The following MEST variants were observed in gnomAD, a reference collection of about 807,000 sequenced individuals.
MEST encodes mesoderm-specific transcript homolog protein.
Under a neutral mutation model 50.9 loss-of-function variants are expected in MEST, and 18 were observed. The ratio of observed to expected loss-of-function variants is 0.35; its 90% confidence interval spans 0.24 to 0.52. The LOEUF is 0.52. Among genes scored for constraint, MEST ranks in the 20% least tolerant of loss-of-function variants. The pLI is 0.94. For missense variants in MEST, 282 were observed against 425.3 expected, an observed-to-expected ratio of 0.66 and a Z score of 2.96; for synonymous variants, 130 against 154.1, an observed-to-expected ratio of 0.84 and a Z score of 1.16.
chr7:130,490,045 G>A (rs1723421842), upstream of MEST: 1 of 152,098 alleles, frequency 6.6e-6, no homozygotes, highest in East Asian at 1.9e-4. Flanking sequence ...AATATATAAT[G>A]CAAAGGCTTT....
At chr7:130,493,020 A>G (rs1357966058) in intron 1 of MEST, among the ~76,000 whole-genome samples, 3 of 152,138 alleles carry the variant, frequency 2.0e-5, no homozygotes, top group African/African-American at 7.2e-5. Flanking sequence ...CAAGAACGGG[A>G]TAATCGCAGT....
Position 130,500,296 on chromosome 7 carries a change from TCTTC to T in MEST, c.577-162_577-159del, listed in dbSNP as rs1394375092. Among the ~76,000 whole-genome samples the T allele has an allele frequency of 6.6e-6, 1 of 152,218 alleles. No individual in the cohort carries two copies. The highest frequency in any genetic ancestry group is 1.5e-5 in the Non-Finnish European group (1 of 68,040). The stretch of plus-strand genomic sequence containing the variant: ...TTAGATGGAATTAGAAATAGATTTG[TCTTC>T]CTTGAGAGAAGAATGCGGGTAGGCA... On this transcript the variant is annotated intron_variant, in intron 7 of 11. Coordinates refer to ENST00000223215, the MANE Select transcript of MEST (RefSeq NM_002402.4). This position sits in a 1 kb window ranked among gnomAD's most constrained non-coding sequence, Gnocchi z 5.0.
chr7:130,493,009 T>A (rs782607374), intron 1 of MEST, among the ~76,000 whole-genome samples: 2 of 152,104 alleles, frequency 1.3e-5, no homozygotes, highest in Non-Finnish European at 2.9e-5. Flanking sequence ...CCTTAGGATT[T>A]CAAGAACGGG....
Position 130,492,161 on chromosome 7 carries a change from C to G in MEST, c.-153C>G. ...GCAAGCGCAGTGCCGCAGCGCACGC[C>G]GGAGTGGCTGTAGCTGCCCGGCGCG... On this transcript the variant is annotated 5_prime_UTR_variant, in exon 1 of 12. Coordinates refer to ENST00000223215, the MANE Select transcript of MEST (RefSeq NM_002402.4). The surrounding 1 kb of genome is among the most constrained non-coding windows in gnomAD (Gnocchi z 7.6). 1 of 420,362 alleles carries G rather than the reference C, an allele frequency of 2.4e-6. No homozygotes were observed. The highest frequency in any genetic ancestry group is 3.7e-6 in the Non-Finnish European group (1 of 271,450). The allele number at this position is 420,362 out of a possible 1,614,324, so 26.0% of individuals were successfully genotyped here. A position where few individuals can be genotyped will look rare whatever the true frequency, so the allele number is the denominator to read the frequency against.
At position 130,497,822 on chromosome 7, in the gene MEST, C is replaced by G; in HGVS notation, c.262-114C>G. Reference sequence around the variant, plus strand: ...ACCTGTGGTAGTTTCATGGCGTTTTCTCTTTATGGAAGTCTGTTAAGCCAA... The same window carrying G: ...ACCTGTGGTAGTTTCATGGCGTTTTGTCTTTATGGAAGTCTGTTAAGCCAA... On this transcript the variant is annotated intron_variant, in intron 3 of 11. Transcript: ENST00000223215. The surrounding 1 kb of genome is among the most constrained non-coding windows in gnomAD (Gnocchi z 4.0). The G allele has an allele frequency of 6.8e-6, 6 of 883,596 alleles. No individual in the cohort carries two copies. Among genetic ancestry groups the G allele is most frequent in the Non-Finnish European group, 7.6e-6 (4 of 529,416 alleles). The allele number at this position is 883,596 out of a possible 1,614,324, so 54.7% of individuals were successfully genotyped here. A position where few individuals can be genotyped will look rare whatever the true frequency, so the allele number is the denominator to read the frequency against.
chr7:130,502,307 G>T (rs1799306123), intron 9 of MEST, among the ~76,000 whole-genome samples: 1 of 152,248 alleles, frequency 6.6e-6, no homozygotes, highest in African/African-American at 2.4e-5. Context: ...GAGGTAGGTA[G>T]TGGTGGAGCC....
intron 1 of MEST, chr7:130,486,672 C>A (rs1223132591): frequency 1.3e-5 from 2 of 152,214 alleles, no homozygotes; most frequent in Non-Finnish European, 2.9e-5. Flanking sequence ...ACCTCGGGGT[C>A]GTAGAGAACA....
intron 9 of MEST, among the ~76,000 whole-genome samples, 173 bp from the exon 10 acceptor site, chr7:130,502,471 T>C (rs1186836120): frequency 6.6e-6 from 1 of 152,228 alleles, no homozygotes; most frequent in Non-Finnish European, 1.5e-5. Context: ...ACATGGTGGT[T>C]AACTCTAGAG....
chr7:130,490,282 G>A (rs969501203), upstream of MEST, among the ~76,000 whole-genome samples: 29 of 152,108 alleles, frequency 1.9e-4, no homozygotes, highest in African/African-American at 6.0e-4. Flanking sequence ...AATTCCCTAC[G>A]ATGAAATTCT....
intron 9 of MEST, 78 bp from the exon 10 acceptor site, chr7:130,502,566 T>G (rs1344181051): frequency 1.9e-6 from 2 of 1,041,882 alleles, no homozygotes; most frequent in Non-Finnish European, 3.0e-6. Flanking sequence ...TTGTGTTCCT[T>G]GTGGCTCGTT....
In MEST at chr7:130,498,225, CCTT is replaced by C. The variant is rs782482196; in HGVS notation, c.430_432del (p.Leu144del). 1 of 1,614,196 alleles carries C rather than the reference CCTT, an allele frequency of 6.2e-7. No individual in the cohort carries two copies. The highest frequency in any genetic ancestry group is 8.5e-7 in the Non-Finnish European group (1 of 1,180,028). ...TGGGGCTCCAGAACCGCAGGATCAA[CCTT>C]CTTTCTCATGACTATGGAGATATTG... On this transcript the variant is annotated inframe_deletion, in exon 5 of 12. Coordinates refer to ENST00000223215, the MANE Select transcript of MEST (RefSeq NM_002402.4).
intron 10 of MEST, among the ~76,000 whole-genome samples, chr7:130,503,281 C>T (rs916957839): frequency 6.6e-6 from 1 of 152,152 alleles, no homozygotes; most frequent in Admixed American, 6.5e-5. Flanking sequence ...TGTCAAGGGT[C>T]TGTTATAACT....
Position 130,505,148 on chromosome 7 carries a change from C to G in MEST, c.*92C>G, listed in dbSNP as rs563589532. On this transcript the variant is annotated 3_prime_UTR_variant, in exon 12 of 12. Transcript: ENST00000223215. ...AAGAAATGCCCAAAAGAGGTCCTGG[C>G]CATCAAACATAATTCTCTCACAAAG... The G allele has an allele frequency of 3.2e-6, 3 of 929,726 alleles. No individual in the cohort carries two copies. The highest frequency in any genetic ancestry group is 4.8e-5 in the East Asian group (2 of 41,332). 57.6% of individuals were successfully genotyped at this position (929,726 alleles called of 1,614,324 possible). A position where few individuals can be genotyped will look rare whatever the true frequency, so the allele number is the denominator to read the frequency against.
intron 1 of MEST, among the ~76,000 whole-genome samples, chr7:130,493,788 C>G (rs1292308843): frequency 4.6e-5 from 7 of 152,122 alleles, no homozygotes; most frequent in African/African-American, 1.4e-4. Flanking sequence ...ATGAAATCTG[C>G]ACATGAAAAT....
intron 9 of MEST, chr7:130,501,094 C>CAA: frequency 2.1e-6 from 1 of 473,272 alleles, no homozygotes; most frequent in Non-Finnish European, 3.7e-6. Flanking sequence ...TTAAATGCTT[C>CAA]AAAGTATTGA....
Position 130,492,158 on chromosome 7 carries a change from C to T in MEST, c.-156C>T. ...CTCGCAAGCGCAGTGCCGCAGCGCA[C>T]GCCGGAGTGGCTGTAGCTGCCCGGC... On this transcript the variant is annotated 5_prime_UTR_variant, in exon 1 of 12. The change creates a new upstream start codon in the 5' untranslated region. Transcript: ENST00000223215. This position sits in a 1 kb window ranked among gnomAD's most constrained non-coding sequence, Gnocchi z 7.6. The T allele has an allele frequency of 5.0e-6, 2 of 403,960 alleles. No homozygotes were observed. The highest frequency in any genetic ancestry group is 7.8e-6 in the Non-Finnish European group (2 of 257,238). 25.0% of individuals were successfully genotyped at this position (403,960 alleles called of 1,614,324 possible).
At chr7:130,491,644 G>T (rs1289057836), upstream of MEST, among the ~76,000 whole-genome samples, 1 of 151,962 alleles carries the variant, frequency 6.6e-6, no homozygotes, top group Non-Finnish European at 1.5e-5. This position sits in a 1 kb window ranked among gnomAD's most constrained non-coding sequence, Gnocchi z 6.8. Flanking sequence ...CGCCACGGCC[G>T]GCACCCCAGA....
In MEST at chr7:130,505,684, A is replaced by AT. The variant is rs1799451665; in HGVS notation, c.*632dup. The AT allele has an allele frequency of 1.3e-5, 2 of 152,236 alleles. No individual in the cohort carries two copies. Among genetic ancestry groups the AT allele is most frequent in the South Asian group, 2.1e-4 (1 of 4,832 alleles). The allele number at this position is 152,236 out of a possible 1,614,324, so 9.4% of individuals were successfully genotyped here. On this transcript the variant is annotated 3_prime_UTR_variant, in exon 12 of 12. Coordinates refer to ENST00000223215, the MANE Select transcript of MEST (RefSeq NM_002402.4). ...TATGATTTACCTATACATTATATATATTTTATAAAGATACTAAACCAGCAT... is the reference window on the plus strand; with the variant it reads ...TATGATTTACCTATACATTATATATATTTTTATAAAGATACTAAACCAGCAT...
intron 2 of MEST, chr7:130,496,426 A>T: frequency 3.2e-6 from 1 of 314,278 alleles, no homozygotes; most frequent in Non-Finnish European, 6.0e-6. Context: ...CTGCTTCTAA[A>T]TTATTTTTGA....
Sources: gnomAD v4.1 joint callset for allele counts (sites outside exome capture counted in the v4.1 genomes callset) on GRCh38, gnomAD v4.1.1 for gene constraint, Gnocchi (gnomAD v3.1) non-coding constraint, MANE v1.5 for transcripts, NCBI Gene and HGNC (gene_info 2026-07-23, HGNC 2026-07-21) for gene names.